TMEM178B: variants seen among roughly 807,000 people sequenced by gnomAD.
TMEM178B encodes the protein transmembrane protein 178B.
Under a neutral mutation model 31.0 loss-of-function variants are expected in TMEM178B, and 5 were observed. The observed-to-expected ratio is 0.16, with a 90% confidence interval of 0.08 to 0.34. The LOEUF is 0.34. Ranked by LOEUF, TMEM178B falls within the 10% of genes least tolerant of loss-of-function variation. TMEM178B has a pLI of 1.00. For synonymous variants in TMEM178B, 164 were observed against 164.0 expected (o/e 1.00, Z 0.00); for missense variants, 275 against 400.3 (o/e 0.69, Z 2.67).
chr7:141,074,136 A>C lies in TMEM178B; in HGVS notation c.-175A>C. The C allele has an allele frequency of 1.1e-6, 1 of 933,016 alleles. No individual in the cohort carries two copies. Among genetic ancestry groups the C allele is most frequent in the Non-Finnish European group, 1.5e-6 (1 of 682,434 alleles). The allele number at this position is 933,016 out of a possible 1,614,324, so 57.8% of individuals were successfully genotyped here. ...AGAACTTTTTAGGCCGCCCGCCCCCATCCCCGCAGTCCCCGGGCCGTGCTC... is the reference window on the plus strand; with the variant it reads ...AGAACTTTTTAGGCCGCCCGCCCCCCTCCCCGCAGTCCCCGGGCCGTGCTC... On this transcript the variant is annotated 5_prime_UTR_variant, in exon 1 of 4. Coordinates refer to ENST00000565468, the MANE Select transcript of TMEM178B (RefSeq NM_001195278.2). This position sits in a 1 kb window ranked among gnomAD's most constrained non-coding sequence, Gnocchi z 5.1.
chr7:141,335,392 A>C (rs73169531), intron 2 of TMEM178B, among the ~76,000 whole-genome samples: 34,094 of 152,094 alleles, frequency 0.22, 4,171 homozygotes, highest in Middle Eastern at 0.31. Flanking sequence ...CTGCTCCCAG[A>C]GGGCGCTCTG....
At chr7:141,121,501 C>G (rs1455222214) in intron 1 of TMEM178B, among the ~76,000 whole-genome samples, 2 of 152,158 alleles carry the variant, frequency 1.3e-5, no homozygotes, top group Non-Finnish European at 2.9e-5. Flanking sequence ...ATTAGATCAC[C>G]TCTTCCATGA....
chr7:141,170,065 T>A (rs764083575), intron 1 of TMEM178B, among the ~76,000 whole-genome samples: 4 of 152,208 alleles, frequency 2.6e-5, no homozygotes, highest in Admixed American at 6.5e-5. Flanking sequence ...ATACTTAGAT[T>A]TCTACATTTT....
chr7:141,489,784 G>A, the TMEM178B span, among the ~76,000 whole-genome samples: 2 of 152,200 alleles, frequency 1.3e-5, no homozygotes, highest in African/African-American at 4.8e-5. Flanking sequence ...GGGATTAGAT[G>A]AGGGCTCAAG....
intron 2 of TMEM178B, among the ~76,000 whole-genome samples, chr7:141,270,413 G>T (rs960693189): frequency 6.6e-6 from 1 of 152,112 alleles, no homozygotes; most frequent in African/African-American, 2.4e-5. Context: ...CCTGCCGAGG[G>T]ACAATAAGAA....
At chr7:141,229,681 G>T (rs1056108544) in intron 2 of TMEM178B, among the ~76,000 whole-genome samples, 1 of 152,054 alleles carries the variant, frequency 6.6e-6, no homozygotes, top group Admixed American at 6.6e-5. Flanking sequence ...CCAGCACTTT[G>T]GGAGGCCGAA....
At chr7:141,083,490 GGAGA>G (rs1159476254) in intron 1 of TMEM178B, among the ~76,000 whole-genome samples, 1 of 116,006 alleles carries the variant, frequency 8.6e-6, no homozygotes, top group Non-Finnish European at 2.0e-5. Context: ...AGGAAGGGAG[GGAGA>G]GAGAGAGAGA....
intron 1 of TMEM178B, among the ~76,000 whole-genome samples, chr7:141,151,565 G>A (rs1401817357): frequency 6.6e-6 from 1 of 152,086 alleles, no homozygotes; most frequent in Admixed American, 6.5e-5. Context: ...GTGGTCAGAC[G>A]GAGTCCCTGA....
intron 2 of TMEM178B, among the ~76,000 whole-genome samples, chr7:141,419,057 G>A (rs1801153189): frequency 6.6e-6 from 1 of 152,110 alleles, no homozygotes; most frequent in African/African-American, 2.4e-5. Context: ...ACAGGCATGA[G>A]CCACCATGCC....
chr7:141,176,449 G>A (rs1796436208), intron 1 of TMEM178B, among the ~76,000 whole-genome samples: 1 of 152,174 alleles, frequency 6.6e-6, no homozygotes, highest in South Asian at 2.1e-4. Context: ...TCAGGTTTTG[G>A]TGTCAGGATG....
intron 3 of TMEM178B, among the ~76,000 whole-genome samples, chr7:141,469,081 C>CA (rs1331302607): frequency 1.9e-4 from 29 of 152,244 alleles, no homozygotes; most frequent in Non-Finnish European, 4.0e-4. Context: ...AGCCCCCAGG[C>CA]AGCCTCTTCC....
intron 2 of TMEM178B, among the ~76,000 whole-genome samples, chr7:141,235,297 C>A (rs1266149851): frequency 6.6e-6 from 1 of 152,168 alleles, no homozygotes. Context: ...CTTGAAGAAT[C>A]ATTTCTGTGC....
intron 1 of TMEM178B, among the ~76,000 whole-genome samples, chr7:141,152,515 C>A (rs921985349): frequency 6.6e-6 from 1 of 152,196 alleles, no homozygotes; most frequent in Non-Finnish European, 1.5e-5. Flanking sequence ...CAGAGTGTGA[C>A]CCTCTGTCAC....
At chr7:141,093,469 A>G (rs189572436) in intron 1 of TMEM178B, among the ~76,000 whole-genome samples, 10 of 152,322 alleles carry the variant, frequency 6.6e-5, no homozygotes, top group Admixed American at 2.0e-4. Flanking sequence ...AGATATCAAG[A>G]GTTAGCTGGA....
chr7:141,237,634 C>T (rs1797548610), intron 2 of TMEM178B, among the ~76,000 whole-genome samples: 1 of 152,058 alleles, frequency 6.6e-6, no homozygotes, highest in Non-Finnish European at 1.5e-5. Flanking sequence ...TTTTTCCTTT[C>T]AAGATTTTTT....
chr7:141,080,050 G>A (rs1794657615), intron 1 of TMEM178B, among the ~76,000 whole-genome samples: 1 of 152,184 alleles, frequency 6.6e-6, no homozygotes, highest in South Asian at 2.1e-4. Flanking sequence ...AGAATAAAAA[G>A]GAAATAATAC....
At chr7:141,486,866 G>GA in the TMEM178B span, among the ~76,000 whole-genome samples, 2 of 152,000 alleles carry the variant, frequency 1.3e-5, no homozygotes, top group African/African-American at 2.4e-5. Context: ...ACGTTATCTG[G>GA]AAAAAAAGAC....
At chr7:141,389,779 A>G (rs1800500918) in intron 2 of TMEM178B, among the ~76,000 whole-genome samples, 1 of 152,204 alleles carries the variant, frequency 6.6e-6, no homozygotes, top group African/African-American at 2.4e-5. Context: ...TTTTACAAGA[A>G]ATCTTTGAGT....
At chr7:141,493,032 G>A in the TMEM178B span, among the ~76,000 whole-genome samples, 3 of 152,124 alleles carry the variant, frequency 2.0e-5, no homozygotes, top group African/African-American at 7.2e-5. Flanking sequence ...CCAAGTAACG[G>A]TTCTGCCTGT....
Sources: gnomAD v4.1 joint callset for allele counts (sites outside exome capture counted in the v4.1 genomes callset) on GRCh38, gnomAD v4.1.1 for gene constraint, Gnocchi (gnomAD v3.1) non-coding constraint, MANE v1.5 for transcripts, NCBI Gene and HGNC (gene_info 2026-07-23, HGNC 2026-07-21) for gene names.